Variants in MDN1 observed in about 807,000 individuals in gnomAD.
The protein encoded by MDN1 is midasin AAA ATPase 1, also known as midasin.
MDN1 carries 266 observed loss-of-function variants against 669.2 expected under a neutral mutation model. The observed-to-expected ratio is 0.40, with a 90% CI of 0.36 to 0.44. The LOEUF (loss-of-function observed/expected upper bound fraction) is 0.44, where lower values mean the gene tolerates loss of function less well. Among genes scored for constraint, MDN1 ranks in the 20% least tolerant of loss-of-function variants. The pLI, the probability that MDN1 is intolerant of heterozygous loss-of-function variation, is 1.00. For synonymous variants in MDN1, 2,385 were observed against 2,457.1 expected (o/e 0.97, Z 0.87); for missense variants, 5,940 against 6,754.0 (o/e 0.88, Z 4.22).
chr6:89,812,833 T>G (rs1768526453), intron 1 of MDN1, among the ~76,000 whole-genome samples: 1 of 152,172 alleles, frequency 6.6e-6, no homozygotes, highest in Admixed American at 6.6e-5. Context: ...GTGCGGTGGC[T>G]CCTACCTGCA....
In MDN1 at chr6:89,673,406, T is replaced by C. The variant is rs1383522600; in HGVS notation, c.13304A>G (p.His4435Arg). The C allele has an allele frequency of 6.2e-7, 1 of 1,614,146 alleles. No homozygotes were observed. The highest frequency in any genetic ancestry group is 8.5e-7 in the Non-Finnish European group (1 of 1,180,018). ...ALSCLSQVSV[H>R]LQGLESLFIL... Reference sequence around the variant, plus strand: ...GAACAAGGACTCTAGGCCCTGCAAATGAACTGACACCTGGGACAAGCAACT... The same window carrying C: ...GAACAAGGACTCTAGGCCCTGCAAACGAACTGACACCTGGGACAAGCAACT... The change falls in exon 80 of 102, where the codon CAT becomes CGT. Residue 4435 changes from histidine (H) to arginine (R), a missense_variant. His to Arg is a conservative substitution (Grantham distance 29). Transcript: ENST00000369393.
At position 89,758,249 on chromosome 6, in the gene MDN1, C is replaced by A; in HGVS notation, c.2702+6G>T. On this transcript the variant is annotated splice_donor_region_variant and intron_variant, in intron 19 of 101. Coordinates refer to ENST00000369393, the MANE Select transcript of MDN1 (RefSeq NM_014611.3). Reference sequence around the variant, plus strand: ...AAAGGAAAGTCTCCAAGAACCAAACCCTCACCTGTTTCTTATTCCTGGTGG... The same window carrying A: ...AAAGGAAAGTCTCCAAGAACCAAACACTCACCTGTTTCTTATTCCTGGTGG... 6.2e-7 allele frequency: 1 copy of A among 1,601,238 alleles called. No individual in the cohort carries two copies. The highest frequency in any genetic ancestry group is 8.5e-7 in the Non-Finnish European group (1 of 1,171,254).
chr6:89,674,599 G>GA lies in MDN1; in HGVS notation c.12762-11dup. On this transcript the variant is annotated splice_polypyrimidine_tract_variant and intron_variant, in intron 78 of 101. Transcript: ENST00000369393. The stretch of plus-strand genomic sequence containing the variant: ...ACAGCTGAGGAGGTTCCTGTACAGA[G>GA]AAACCCATGGGAAAAACACAATGAA... 1 of 1,519,222 alleles carries GA rather than the reference G, an allele frequency of 6.6e-7. No individual in the cohort carries two copies. Among genetic ancestry groups the GA allele is most frequent in the Non-Finnish European group, 8.8e-7 (1 of 1,141,880 alleles). The allele number at this position is 1,519,222 out of a possible 1,614,324, so 94.1% of individuals were successfully genotyped here.
chr6:89,774,177 T>C (rs760567170), intron 13 of MDN1, among the ~76,000 whole-genome samples: 22 of 152,290 alleles, frequency 1.4e-4, no homozygotes, highest in Middle Eastern at 6.8e-3. Context: ...GATACTAATA[T>C]ATTAATTCAC....
At chr6:89,682,422 A>C (rs1222239547) in intron 73 of MDN1, among the ~76,000 whole-genome samples, 1 of 152,118 alleles carries the variant, frequency 6.6e-6, no homozygotes, top group African/African-American at 2.4e-5. Context: ...TAAGACTAAA[A>C]GTTCGGCCAG....
intron 100 of MDN1, among the ~76,000 whole-genome samples, chr6:89,645,953 C>T (rs1023739848): frequency 1.1e-4 from 16 of 152,136 alleles, no homozygotes; most frequent in Non-Finnish European, 4.4e-5. Context: ...TATATTATGT[C>T]CTTCTCTACT....
intron 1 of MDN1, chr6:89,815,265 T>G (rs749300970): frequency 1.3e-4 from 59 of 442,364 alleles, no homozygotes; most frequent in Non-Finnish European, 2.5e-4. Flanking sequence ...TCCCAGCGCA[T>G]CTGATAGTGA....
chr6:89,781,633 T>A, intron 9 of MDN1, 41 bp from the exon 10 acceptor site: 6 of 1,492,826 alleles, frequency 4.0e-6, no homozygotes, highest in Non-Finnish European at 4.5e-6. Flanking sequence ...ACAGCCAGCA[T>A]GGTAATTTTT....
intron 22 of MDN1, 41 bp downstream of exon 22, chr6:89,753,471 C>G: frequency 6.9e-7 from 1 of 1,452,988 alleles, no homozygotes; most frequent in Non-Finnish European, 9.5e-7. Context: ...GGTAATTCAG[C>G]CTTTCAAGTG....
chr6:89,689,629 A>G (rs949745518), intron 65 of MDN1, among the ~76,000 whole-genome samples: 6 of 152,178 alleles, frequency 3.9e-5, no homozygotes, highest in African/African-American at 1.4e-4. Context: ...ACCCCAAAGG[A>G]TCCAAACAAT....
At position 89,643,459 on chromosome 6, in the gene MDN1, A is replaced by G. The variant is rs895763198; in HGVS notation, c.*546T>C. On this transcript the variant is annotated 3_prime_UTR_variant, in exon 102 of 102. Transcript: ENST00000369393. ...AACACACACACACCACATTCTTCCT[A>G]CCCTCTAAGAGAAGGTAGTTCCTTT... 1 of 152,162 alleles carries G rather than the reference A, an allele frequency of 6.6e-6. No homozygotes were observed. The highest frequency in any genetic ancestry group is 1.5e-5 in the Non-Finnish European group (1 of 68,092). The allele number at this position is 152,162 out of a possible 1,614,324, so 9.4% of individuals were successfully genotyped here. A position where few individuals can be genotyped will look rare whatever the true frequency, so the allele number is the denominator to read the frequency against.
chr6:89,750,743 C>T (rs934720869), intron 23 of MDN1, among the ~76,000 whole-genome samples: 1 of 152,106 alleles, frequency 6.6e-6, no homozygotes, highest in Non-Finnish European at 1.5e-5. Flanking sequence ...GCTGGGACTA[C>T]AGACATGCAC....
chr6:89,720,418 T>A (rs985023117), intron 40 of MDN1, among the ~76,000 whole-genome samples: 3 of 150,162 alleles, frequency 2.0e-5, no homozygotes, highest in South Asian at 4.2e-4. Context: ...AAAAAAAAAA[T>A]TCCCAATCTA....
intron 15 of MDN1, among the ~76,000 whole-genome samples, chr6:89,765,358 AAAGAT>A (rs1817760569): frequency 6.6e-6 from 1 of 152,236 alleles, no homozygotes; most frequent in African/African-American, 2.4e-5. Flanking sequence ...GAGTAGAAGC[AAAGAT>A]AAGAGACCAA....
At position 89,712,023 on chromosome 6, in the gene MDN1, C is replaced by T; in HGVS notation, c.7651+13G>A. On this transcript the variant is annotated intron_variant, in intron 49 of 101. Transcript: ENST00000369393. ...AAATCACATCAGTGGACAAATTAAGCTGTTCTACTCACCAAGCCCCTGCGG... is the reference window on the plus strand; with the variant it reads ...AAATCACATCAGTGGACAAATTAAGTTGTTCTACTCACCAAGCCCCTGCGG... 3.7e-6 allele frequency: 6 copies of T among 1,601,242 alleles called. No individual in the cohort carries two copies. The highest frequency in any genetic ancestry group is 4.3e-6 in the Non-Finnish European group (5 of 1,170,766).
At chr6:89,668,314 C>T (rs951474963) in intron 83 of MDN1, among the ~76,000 whole-genome samples, 163 bp from the exon 84 acceptor site, 11 of 152,226 alleles carry the variant, frequency 7.2e-5, no homozygotes, top group African/African-American at 1.4e-4. Context: ...ACATTCTTCT[C>T]CTCTTTGGTG....
chr6:89,713,218 A>G lies in MDN1; in HGVS notation c.7148T>C (p.Leu2383Ser). 1 of 1,614,138 alleles carries G rather than the reference A, an allele frequency of 6.2e-7. No homozygotes were observed. The highest frequency in any genetic ancestry group is 8.5e-7 in the Non-Finnish European group (1 of 1,179,984). ...GCATGCTTCAGAAAAGGCTCTGTCT[A>G]AACTCAGCCCTCGCTGCAGGTACTG... Reference protein sequence around the residue: ...IVQYLQRGLSLDRAFSEACWE... With the variant: ...IVQYLQRGLSSDRAFSEACWE... Residue 2383 changes from leucine (L) to serine (S), a missense_variant, in exon 47 of 102, where the codon TTA (leucine) becomes TCA (serine). Physicochemically the swap from Leu to Ser is moderately radical, Grantham distance 145. Coordinates refer to ENST00000369393, the MANE Select transcript of MDN1 (RefSeq NM_014611.3).
chr6:89,712,496 T>C (rs922055361), intron 48 of MDN1, 79 bp downstream of exon 48: 50 of 1,393,140 alleles, frequency 3.6e-5, no homozygotes, highest in Non-Finnish European at 4.9e-5. Flanking sequence ...TCCAGTTAAA[T>C]ATATTGTGTC....
At chr6:89,727,786 C>T in intron 37 of MDN1, 47 bp downstream of exon 37, 1 of 1,613,248 alleles carries the variant, frequency 6.2e-7, no homozygotes, top group African/African-American at 1.3e-5. Context: ...ATGACTGCTC[C>T]TCACACACAT....
Sources: allele counts gnomAD v4.1 joint callset (sites outside exome capture counted in the v4.1 genomes callset), GRCh38; gene constraint gnomAD v4.1.1; transcripts MANE v1.5; gene names NCBI Gene and HGNC (gene_info 2026-07-23, HGNC 2026-07-21).